The following POPDC1 variants were observed in gnomAD, a reference collection of about 807,000 sequenced individuals.
POPDC1 encodes the protein popeye domain-containing protein 1.
At chr6:105,114,378 T>C in the POPDC1 span, among the ~76,000 whole-genome samples, 1 of 152,180 alleles carries the variant, frequency 6.6e-6, no homozygotes, top group Admixed American at 6.5e-5. Flanking sequence ...AAGGAAGAAG[T>C]AAAGTTTTTT....
At chr6:105,133,364 T>G in the POPDC1 span, 1 of 1,612,408 alleles carries the variant, frequency 6.2e-7, no homozygotes, top group South Asian at 1.1e-5. Context: ...AGAGTTAACA[T>G]TCCCCTAAGA....
the POPDC1 span, among the ~76,000 whole-genome samples, chr6:105,133,753 G>A: frequency 1.3e-5 from 2 of 152,118 alleles, no homozygotes; most frequent in African/African-American, 4.8e-5. Context: ...CATATTAAAT[G>A]TATTCAGTTC....
At chr6:105,120,705 G>C in the POPDC1 span, among the ~76,000 whole-genome samples, 1 of 152,224 alleles carries the variant, frequency 6.6e-6, no homozygotes, top group Non-Finnish European at 1.5e-5. Flanking sequence ...TCTACAGCCT[G>C]TCATAAAGAG....
At chr6:105,117,631 G>A in the POPDC1 span, among the ~76,000 whole-genome samples, 1 of 152,192 alleles carries the variant, frequency 6.6e-6, no homozygotes, top group Non-Finnish European at 1.5e-5. Context: ...GTGCCAGGAA[G>A]CCCTTCTTCC....
the POPDC1 span, among the ~76,000 whole-genome samples, chr6:105,109,870 G>A: frequency 7.9e-5 from 12 of 151,524 alleles, no homozygotes; most frequent in African/African-American, 2.7e-4. Flanking sequence ...TTGGGAGCAG[G>A]ACTAAAATTA....
At chr6:105,113,045 C>T in the POPDC1 span, among the ~76,000 whole-genome samples, 1 of 152,002 alleles carries the variant, frequency 6.6e-6, no homozygotes, top group Non-Finnish European at 1.5e-5. Flanking sequence ...ATCCTCTCAC[C>T]TCAGCCTCCC....
chr6:105,099,117 C>G, the POPDC1 span: 4 of 152,358 alleles, frequency 2.6e-5, no homozygotes, highest in African/African-American at 4.8e-5. Flanking sequence ...CCTTGGCCCC[C>G]CAAAGTGCTG....
the POPDC1 span, chr6:105,100,014 T>C: frequency 6.6e-6 from 1 of 152,206 alleles, no homozygotes; most frequent in South Asian, 2.1e-4. Flanking sequence ...CCATCTGTTA[T>C]CTTTCCAGCT....
At chr6:105,132,892 G>A in the POPDC1 span, among the ~76,000 whole-genome samples, 5 of 152,236 alleles carry the variant, frequency 3.3e-5, no homozygotes, top group East Asian at 9.7e-4. Context: ...CTTACTATGG[G>A]CAGGCAATAT....
chr6:105,100,229 G>T, the POPDC1 span: 2,784 of 152,290 alleles, frequency 0.018, 35 homozygotes, highest in Non-Finnish European at 0.03. Flanking sequence ...TATGGAATAG[G>T]CCGGGCGCGG....
chr6:105,100,256 T>C, the POPDC1 span: 8 of 152,146 alleles, frequency 5.3e-5, no homozygotes, highest in African/African-American at 1.4e-4. Context: ...ACGCCTGTAA[T>C]CCCAGCACTC....
the POPDC1 span, among the ~76,000 whole-genome samples, chr6:105,129,756 C>A: frequency 6.6e-6 from 1 of 152,126 alleles, no homozygotes; most frequent in African/African-American, 2.4e-5. Context: ...ATAAGTTGGA[C>A]AAAGGGATGA....
chr6:105,110,204 G>C, the POPDC1 span, among the ~76,000 whole-genome samples: 1 of 152,000 alleles, frequency 6.6e-6, no homozygotes, highest in African/African-American at 2.4e-5. Flanking sequence ...ATGAGAACCT[G>C]GCTGAAAGTG....
chr6:105,122,213 C>A, the POPDC1 span, among the ~76,000 whole-genome samples: 1 of 152,180 alleles, frequency 6.6e-6, no homozygotes, highest in Non-Finnish European at 1.5e-5. Flanking sequence ...AGGACACAGG[C>A]TTCATGATGC....
the POPDC1 span, among the ~76,000 whole-genome samples, chr6:105,122,453 T>C: frequency 1.3e-5 from 2 of 152,232 alleles, no homozygotes; most frequent in East Asian, 1.9e-4. Context: ...TAGGAATTCC[T>C]TTTTTGTTGA....
At chr6:105,113,422 A>G in the POPDC1 span, among the ~76,000 whole-genome samples, 36 of 152,170 alleles carry the variant, frequency 2.4e-4, no homozygotes, top group Non-Finnish European at 4.4e-5. Flanking sequence ...GCCCTTCCTG[A>G]GCAGTCCCTG....
At chr6:105,132,664 G>C in the POPDC1 span, among the ~76,000 whole-genome samples, 1 of 152,194 alleles carries the variant, frequency 6.6e-6, no homozygotes, top group Admixed American at 6.5e-5. Context: ...TAATCACATA[G>C]AGAATAATTT....
At chr6:105,132,242 A>G in the POPDC1 span, among the ~76,000 whole-genome samples, 1 of 152,238 alleles carries the variant, frequency 6.6e-6, no homozygotes, top group Non-Finnish European at 1.5e-5. Context: ...CTGGGATTAC[A>G]GGCGTAAGCC....
chr6:105,126,621 C>A, the POPDC1 span, among the ~76,000 whole-genome samples: 2 of 152,100 alleles, frequency 1.3e-5, no homozygotes, highest in East Asian at 3.8e-4. Flanking sequence ...TCTGTGAAAC[C>A]TTTTGTTTCA....
Sources: allele counts gnomAD v4.1 joint callset (sites outside exome capture counted in the v4.1 genomes callset), GRCh38; gene constraint gnomAD v4.1.1; transcripts MANE v1.5; gene names NCBI Gene and HGNC (gene_info 2026-07-23, HGNC 2026-07-21).